Variants in PCDHA13 observed in about 807,000 individuals in gnomAD.
PCDHA13 encodes the protein protocadherin alpha 13, also known as protocadherin alpha-13.
In PCDHA13, 54 loss-of-function variants were observed where a neutral mutation model predicts 64.8. The observed-to-expected ratio is 0.83, with a 90% confidence interval of 0.67 to 1.04. PCDHA13 has a LOEUF of 1.04. Ranked by LOEUF, PCDHA13 falls within the 50% of genes least tolerant of loss-of-function variation. PCDHA13 has a pLI of 0.00. For synonymous variants in PCDHA13, 587 were observed against 564.4 expected, an observed-to-expected ratio of 1.04 and a Z score of -0.57; for missense variants, 1,248 against 1,254.3, an observed-to-expected ratio of 0.99 and a Z score of 0.08.
chr5:140,983,076 T>A (rs1390525890), intron 3 of PCDHA13, among the ~76,000 whole-genome samples: 1 of 152,168 alleles, frequency 6.6e-6, no homozygotes, highest in Non-Finnish European at 1.5e-5. Context: ...TTGTTTTGAG[T>A]TCAAGTCAAA....
chr5:140,936,771 C>G (rs182480245), intron 1 of PCDHA13, among the ~76,000 whole-genome samples: 2 of 152,230 alleles, frequency 1.3e-5, no homozygotes, highest in South Asian at 4.1e-4. Flanking sequence ...TGTGTAAGTT[C>G]TCTCACTTTG....
At chr5:140,933,221 G>T (rs952837794) in intron 1 of PCDHA13, among the ~76,000 whole-genome samples, 1 of 151,758 alleles carries the variant, frequency 6.6e-6, no homozygotes, top group Non-Finnish European at 1.5e-5. Flanking sequence ...CTGTTATATT[G>T]CATTTATGAA....
At chr5:140,911,257 A>G (rs1423375928) in intron 1 of PCDHA13, among the ~76,000 whole-genome samples, 1 of 152,156 alleles carries the variant, frequency 6.6e-6, no homozygotes, top group African/African-American at 2.4e-5. Context: ...ATCAGAATTT[A>G]TAATCTCAGT....
intron 3 of PCDHA13, among the ~76,000 whole-genome samples, chr5:140,983,980 G>A (rs1169839423): frequency 6.6e-6 from 1 of 152,286 alleles, no homozygotes; most frequent in African/African-American, 2.4e-5. Flanking sequence ...AAATATACGA[G>A]TTGAAGCAAT....
At chr5:140,997,329 T>C (rs1030113015) in intron 3 of PCDHA13, among the ~76,000 whole-genome samples, 1 of 152,228 alleles carries the variant, frequency 6.6e-6, no homozygotes, top group African/African-American at 2.4e-5. Context: ...AGTTTTTTCG[T>C]TGTACAAATA....
chr5:140,960,875 A>G (rs2095577090), intron 1 of PCDHA13, among the ~76,000 whole-genome samples: 1 of 152,220 alleles, frequency 6.6e-6, no homozygotes, highest in African/African-American at 2.4e-5. Context: ...TAGCTGAAAT[A>G]CACACTAATG....
chr5:140,977,876 G>A (rs1425308379), intron 1 of PCDHA13, among the ~76,000 whole-genome samples: 3 of 152,190 alleles, frequency 2.0e-5, no homozygotes, highest in Non-Finnish European at 2.9e-5. Flanking sequence ...TAAGTATAAT[G>A]TAGAGGAAAA....
intron 1 of PCDHA13, among the ~76,000 whole-genome samples, chr5:140,905,079 T>C (rs2071581588): frequency 6.6e-6 from 1 of 152,168 alleles, no homozygotes; most frequent in Admixed American, 6.5e-5. Context: ...AGTTGCACTT[T>C]CTTTTGGGTT....
chr5:140,910,845 G>T (rs1448971238), intron 1 of PCDHA13, among the ~76,000 whole-genome samples: 1 of 152,090 alleles, frequency 6.6e-6, no homozygotes, highest in Admixed American at 6.5e-5. Flanking sequence ...CAATGCCTTG[G>T]ATCTATGTTC....
chr5:141,011,822 A>G lies in PCDHA13; in HGVS notation c.*1885A>G, dbSNP rs181852141. 7 of 153,844 alleles carry G rather than the reference A, an allele frequency of 4.6e-5. No homozygotes were observed. The highest frequency in any genetic ancestry group is 1.4e-4 in the African/African-American group (6 of 41,546). The allele number at this position is 153,844 out of a possible 1,614,324, so 9.5% of individuals were successfully genotyped here. A position where few individuals can be genotyped will look rare whatever the true frequency, so the allele number is the denominator to read the frequency against. On this transcript the variant is annotated 3_prime_UTR_variant, in exon 4 of 4. Transcript: ENST00000289272. ...ATATCAGCTCATAGAAAGTAACAAA[A>G]TTTGCTGTCACCTTAAATAAGACAT...
intron 1 of PCDHA13, among the ~76,000 whole-genome samples, chr5:140,950,449 T>G (rs1377637881): frequency 4.6e-5 from 7 of 152,088 alleles, no homozygotes; most frequent in African/African-American, 1.7e-4. Flanking sequence ...GTTATTCTAC[T>G]GTCTTCTAAT....
In PCDHA13 at chr5:140,967,951, C is replaced by G. The variant is rs150201840; in HGVS notation, c.2395-10998C>G. On this transcript the variant is annotated intron_variant, in intron 1 of 3. Transcript: ENST00000289272. ...TCAGTGTCAATGACCAAGACTCAGG[C>G]CCCAACCGGAAAGTGAGCCTGGGTC... 6 of 1,614,078 alleles carry G rather than the reference C, an allele frequency of 3.7e-6. No homozygotes were observed. The African/African-American group carries it at 6.7e-5, about 18-fold the overall frequency.
At chr5:140,962,319 T>A (rs1585921663) in intron 1 of PCDHA13, among the ~76,000 whole-genome samples, 1 of 152,226 alleles carries the variant, frequency 6.6e-6, no homozygotes, top group Admixed American at 6.5e-5. Context: ...GCCATCTCAA[T>A]TGAGAATACT....
intron 1 of PCDHA13, among the ~76,000 whole-genome samples, chr5:140,890,446 T>C (rs1554184296): frequency 6.6e-6 from 1 of 152,228 alleles, no homozygotes; most frequent in Admixed American, 6.5e-5. Context: ...CCTAGTGATA[T>C]CTTTAGGCAC....
At chr5:140,959,317 A>G (rs1424960169) in intron 1 of PCDHA13, among the ~76,000 whole-genome samples, 3 of 152,078 alleles carry the variant, frequency 2.0e-5, no homozygotes, top group Non-Finnish European at 4.4e-5. Flanking sequence ...TGAAGCTGCA[A>G]TAAGTTTTGA....
chr5:140,978,834 C>A (rs1294349430), intron 1 of PCDHA13, 115 bp from the exon 2 acceptor site: 3 of 1,546,580 alleles, frequency 1.9e-6, no homozygotes, highest in Non-Finnish European at 2.6e-6. Context: ...ATGGCTCATT[C>A]AATACTTTTT....
chr5:141,008,022 T>C (rs1355928123), intron 3 of PCDHA13, among the ~76,000 whole-genome samples: 3 of 152,226 alleles, frequency 2.0e-5, no homozygotes, highest in Non-Finnish European at 4.4e-5. Context: ...TCCTTTTTTT[T>C]CTTGTTAATC....
chr5:140,891,230 T>G (rs1192105465), intron 1 of PCDHA13, among the ~76,000 whole-genome samples: 1 of 152,232 alleles, frequency 6.6e-6, no homozygotes, highest in Non-Finnish European at 1.5e-5. Flanking sequence ...AATCATCCTG[T>G]TCTGGATTCA....
chr5:140,944,255 A>G (rs1266795910), intron 1 of PCDHA13, among the ~76,000 whole-genome samples: 5 of 152,098 alleles, frequency 3.3e-5, no homozygotes, highest in African/African-American at 1.2e-4. Context: ...TGATGTGATC[A>G]CTGCTCACTG....
Sources: allele counts gnomAD v4.1 joint callset (sites outside exome capture counted in the v4.1 genomes callset), GRCh38; gene constraint gnomAD v4.1.1; transcripts MANE v1.5; gene names NCBI Gene and HGNC (gene_info 2026-07-23, HGNC 2026-07-21).